NLGN1: variants seen among roughly 807,000 people sequenced by gnomAD.
NLGN1 encodes the protein neuroligin-1.
Under a neutral mutation model 65.5 loss-of-function variants are expected in NLGN1, and 12 were observed. The ratio of observed to expected loss-of-function variants is 0.18; its 90% confidence interval spans 0.12 to 0.30. The LOEUF is 0.30. Among genes scored for constraint, NLGN1 ranks in the 10% least tolerant of loss-of-function variants. The probability of loss-of-function intolerance (pLI) is 1.00; values close to 1 mark genes in which losing one functional copy is unlikely to be tolerated. For missense variants in NLGN1, 750 were observed against 1,007.1 expected (o/e 0.74, Z 3.46); for synonymous variants, 350 against 359.5 (o/e 0.97, Z 0.30).
chr3:174,006,842 G>A (rs1724525991), intron 4 of NLGN1, among the ~76,000 whole-genome samples: 1 of 152,116 alleles, frequency 6.6e-6, no homozygotes, highest in Non-Finnish European at 1.5e-5. Flanking sequence ...GCCGAGGTAG[G>A]TGGATCAGTT....
chr3:173,596,542 C>T (rs1205174724), intron 2 of NLGN1, among the ~76,000 whole-genome samples: 1 of 152,218 alleles, frequency 6.6e-6, no homozygotes, highest in East Asian at 1.9e-4. Context: ...ATCTCTACCT[C>T]ATGGTACTTA....
intron 2 of NLGN1, among the ~76,000 whole-genome samples, chr3:173,502,862 G>A (rs1310016331): frequency 6.6e-6 from 1 of 152,100 alleles, no homozygotes; most frequent in Non-Finnish European, 1.5e-5. Flanking sequence ...CAGGCCAGCT[G>A]CAGAAGGTAA....
intron 3 of NLGN1, among the ~76,000 whole-genome samples, chr3:173,678,652 G>C (rs982533534): frequency 6.6e-6 from 1 of 152,150 alleles, no homozygotes; most frequent in South Asian, 2.1e-4. Context: ...GATCCTCTGA[G>C]GTCTGATTTT....
chr3:174,226,792 T>C (rs779783004), intron 4 of NLGN1, among the ~76,000 whole-genome samples: 1 of 152,214 alleles, frequency 6.6e-6, no homozygotes, highest in Non-Finnish European at 1.5e-5. Context: ...CCTTTGTGAA[T>C]ACTCTCCCCA....
intron 4 of NLGN1, among the ~76,000 whole-genome samples, chr3:174,130,201 C>T (rs567498669): frequency 1.1e-4 from 17 of 152,184 alleles, no homozygotes; most frequent in South Asian, 4.1e-4. Flanking sequence ...AAGGAAACCC[C>T]GTCTCTACTA....
chr3:173,883,552 A>G lies in NLGN1; in HGVS notation c.646+75720A>G, dbSNP rs568214628. ...GGTGCTGATATACTTGATTGATGCAATGTTGCCACAAATCTTCAGTTTATA... is the reference window on the plus strand; with the variant it reads ...GGTGCTGATATACTTGATTGATGCAGTGTTGCCACAAATCTTCAGTTTATA... On this transcript the variant is annotated intron_variant, in intron 4 of 6. Transcript: ENST00000457714. 5.3e-5 allele frequency among the ~76,000 whole-genome samples: 8 copies of G among 152,310 alleles called. No individual in the cohort carries two copies. In the East Asian group the frequency reaches 1.4e-3, roughly 26 times the overall value.
intron 2 of NLGN1, among the ~76,000 whole-genome samples, chr3:173,505,233 G>C (rs1326219580): frequency 1.3e-5 from 2 of 151,918 alleles, no homozygotes; most frequent in African/African-American, 4.8e-5. Context: ...ACACCTCCTT[G>C]AATTATCCTA....
At chr3:173,695,529 A>C (rs1440241361) in intron 3 of NLGN1, 1 of 348,926 alleles carries the variant, frequency 2.9e-6, no homozygotes, top group Non-Finnish European at 5.6e-6. Context: ...CCATATATTC[A>C]AATTTTTTAT....
At chr3:173,606,641 C>T (rs1407963487) in intron 3 of NLGN1, among the ~76,000 whole-genome samples, 1 of 151,936 alleles carries the variant, frequency 6.6e-6, no homozygotes. Context: ...ATATGGAAGA[C>T]ACTTTATAAA....
chr3:174,241,963 G>C (rs1212599117), intron 4 of NLGN1, among the ~76,000 whole-genome samples: 1 of 152,040 alleles, frequency 6.6e-6, no homozygotes, highest in African/African-American at 2.4e-5. Context: ...CGGCCCCAAC[G>C]TATCTTTATC....
intron 2 of NLGN1, among the ~76,000 whole-genome samples, chr3:173,440,227 T>C (rs1283101065): frequency 6.6e-6 from 1 of 152,116 alleles, no homozygotes; most frequent in Non-Finnish European, 1.5e-5. Flanking sequence ...AATTCTAGTT[T>C]TTTTGCTATT....
intron 4 of NLGN1, among the ~76,000 whole-genome samples, chr3:174,137,623 A>G (rs975970266): frequency 6.6e-6 from 1 of 152,218 alleles, no homozygotes; most frequent in Non-Finnish European, 1.5e-5. Flanking sequence ...ATGCTCTACC[A>G]GAAATTATAT....
intron 4 of NLGN1, among the ~76,000 whole-genome samples, chr3:173,851,001 T>A (rs1209233129): frequency 6.6e-6 from 1 of 152,138 alleles, no homozygotes; most frequent in Non-Finnish European, 1.5e-5. Context: ...TGCTTCAGCC[T>A]CCCAAAGTGC....
chr3:173,892,689 G>A (rs1289763101), intron 4 of NLGN1, among the ~76,000 whole-genome samples: 3 of 148,820 alleles, frequency 2.0e-5, no homozygotes, highest in South Asian at 2.1e-4. Context: ...CCAGACACTC[G>A]TGGGGTTTCC....
intron 2 of NLGN1, among the ~76,000 whole-genome samples, chr3:173,524,156 G>A (rs1735247440): frequency 6.6e-6 from 1 of 151,462 alleles, no homozygotes; most frequent in Non-Finnish European, 1.5e-5. Flanking sequence ...TCGATCTCCT[G>A]ACCTCGTGAT....
intron 4 of NLGN1, among the ~76,000 whole-genome samples, chr3:173,919,459 C>T (rs544319937): frequency 3.3e-4 from 50 of 152,256 alleles, no homozygotes; most frequent in African/African-American, 1.2e-3. Context: ...ATTGTCTAAG[C>T]CACACTCACT....
At chr3:173,456,179 C>T (rs996302701) in intron 2 of NLGN1, among the ~76,000 whole-genome samples, 8 of 152,016 alleles carry the variant, frequency 5.3e-5, no homozygotes, top group African/African-American at 1.9e-4. Context: ...GTGATGGTGA[C>T]GTATAAAATT....
chr3:173,942,152 GTGTGTA>G (rs1746254641), intron 4 of NLGN1, among the ~76,000 whole-genome samples: 9 of 144,678 alleles, frequency 6.2e-5, no homozygotes, highest in Admixed American at 3.4e-4. Flanking sequence ...ATGTGTGTGT[GTGTGTA>G]TGTGTATATA....
At chr3:174,196,429 A>G (rs1469691201) in intron 4 of NLGN1, among the ~76,000 whole-genome samples, 1 of 152,222 alleles carries the variant, frequency 6.6e-6, no homozygotes, top group Non-Finnish European at 1.5e-5. Context: ...AACTTAAGTT[A>G]AAATCTATTT....
Sources: allele counts gnomAD v4.1 joint callset (sites outside exome capture counted in the v4.1 genomes callset), GRCh38; gene constraint gnomAD v4.1.1; transcripts MANE v1.5; gene names NCBI Gene and HGNC (gene_info 2026-07-23, HGNC 2026-07-21).